ACTN2: variants seen among roughly 807,000 people sequenced by gnomAD.
ACTN2 encodes actinin alpha 2, also known as alpha-actinin-2.
Under a neutral mutation model 113.8 loss-of-function variants are expected in ACTN2, and 39 were observed. The observed-to-expected ratio is 0.34, with a 90% confidence interval of 0.27 to 0.45. ACTN2 has a LOEUF of 0.45. Ranked by LOEUF, ACTN2 falls within the 20% of genes least tolerant of loss-of-function variation. The probability of loss-of-function intolerance (pLI) is 1.00; values close to 1 mark genes in which losing one functional copy is unlikely to be tolerated. For missense variants in ACTN2, 992 were observed against 1,177.9 expected (o/e 0.84, Z 2.31); for synonymous variants, 429 against 444.1 (o/e 0.97, Z 0.43).
intron 19 of ACTN2, among the ~76,000 whole-genome samples, chr1:236,760,456 C>T (rs1180999015): frequency 1.3e-5 from 2 of 152,104 alleles, no homozygotes; most frequent in Non-Finnish European, 2.9e-5. Context: ...GTGCTTTTTC[C>T]TCTAATATGC....
rs372348405 is a variant in ACTN2 at position 236,761,124 on chromosome 1, A to T, written c.2477A>T (p.Asp826Val). ...DFMTRETADTDTAEQVIASFR... is the reference protein window; with the variant it reads ...DFMTRETADTVTAEQVIASFR... ...ATGACTAGAGAGACGGCTGACACCGACACTGCCGAGCAGGTCATCGCCTCC... is the reference window on the plus strand; with the variant it reads ...ATGACTAGAGAGACGGCTGACACCGTCACTGCCGAGCAGGTCATCGCCTCC... The change falls in exon 20 of 21, where the codon GAC becomes GTC. Residue 826 changes from aspartate to valine, a missense_variant. Physicochemically the swap from Asp to Val is radical, Grantham distance 152. Coordinates refer to ENST00000366578, the MANE Select transcript of ACTN2 (RefSeq NM_001103.4). 1.2e-6 allele frequency: 2 copies of T among 1,614,080 alleles called. No homozygotes were observed. The highest frequency in any genetic ancestry group is 2.7e-5 in the African/African-American group (2 of 74,928).
chr1:236,744,091 T>C (rs1659154041), intron 11 of ACTN2, among the ~76,000 whole-genome samples: 1 of 152,182 alleles, frequency 6.6e-6, no homozygotes, highest in African/African-American at 2.4e-5. Flanking sequence ...GAAATATTTA[T>C]ATGGGAAAAT....
At chr1:236,723,283 C>A (rs1174579730) in intron 4 of ACTN2, among the ~76,000 whole-genome samples, 4 of 152,204 alleles carry the variant, frequency 2.6e-5, no homozygotes, top group African/African-American at 9.7e-5. Flanking sequence ...TATCAATTCA[C>A]ATTTTAATTA....
At position 236,760,958 on chromosome 1, in the gene ACTN2, G is replaced by A. The variant is rs868646404; in HGVS notation, c.2368-57G>A. 156 of 1,609,634 alleles carry A rather than the reference G, an allele frequency of 9.7e-5. 4 individuals are homozygous for A. In the Middle Eastern group the frequency reaches 2.8e-3, roughly 29 times the overall value. On this transcript the variant is annotated intron_variant, in intron 19 of 20. Transcript: ENST00000366578. ...TGTCACCAGGGAAAGAATGAAAACG[G>A]CTCTGTTGAGAGTTGTGTACCGTTC...
intron 1 of ACTN2, among the ~76,000 whole-genome samples, chr1:236,701,373 A>C (rs1657668804): frequency 6.6e-6 from 1 of 151,970 alleles, no homozygotes; most frequent in Non-Finnish European, 1.5e-5. Context: ...ACTTTGAGAT[A>C]TATGTATATA....
intron 20 of ACTN2, among the ~76,000 whole-genome samples, chr1:236,761,825 T>C (rs1659717314): frequency 6.6e-6 from 1 of 152,188 alleles, no homozygotes; most frequent in East Asian, 1.9e-4. Context: ...GAGGTTAGCA[T>C]GCTAAAACAC....
intron 1 of ACTN2, among the ~76,000 whole-genome samples, chr1:236,715,784 C>T (rs942466843): frequency 5.9e-5 from 9 of 151,900 alleles, no homozygotes; most frequent in African/African-American, 1.5e-4. Flanking sequence ...GGCAAAACCC[C>T]GTCTCTACTA....
At chr1:236,697,342 A>G (rs892591147) in intron 1 of ACTN2, among the ~76,000 whole-genome samples, 2 of 152,172 alleles carry the variant, frequency 1.3e-5, no homozygotes, top group Admixed American at 6.5e-5. Context: ...AATATGGGGA[A>G]TTTGGATTGA....
chr1:236,694,214 TC>T (rs1423494710), intron 1 of ACTN2, among the ~76,000 whole-genome samples: 1 of 151,118 alleles, frequency 6.6e-6, no homozygotes, highest in Non-Finnish European at 1.5e-5. Context: ...TTTTTTTTTT[TC>T]TTTTCTTTTT....
chr1:236,689,300 GATATATATATATATATATATATATATAT>G (rs57239117), intron 1 of ACTN2, among the ~76,000 whole-genome samples: 1 of 122,600 alleles, frequency 8.2e-6, no homozygotes, highest in African/African-American at 2.9e-5. Flanking sequence ...TTACAGATGT[GATATATATATATATATATATATATATAT>G]ATATATATAT....
At chr1:236,704,838 G>C (rs1207112862) in intron 1 of ACTN2, among the ~76,000 whole-genome samples, 1 of 152,156 alleles carries the variant, frequency 6.6e-6, no homozygotes, top group African/African-American at 2.4e-5. Flanking sequence ...AGAACCGTGG[G>C]GAAATGTGAT....
At chr1:236,712,980 T>C (rs951430506) in intron 1 of ACTN2, among the ~76,000 whole-genome samples, 2 of 151,718 alleles carry the variant, frequency 1.3e-5, no homozygotes, top group Admixed American at 1.3e-4. Context: ...CTCAGGTATG[T>C]GATTAGTCTT....
intron 20 of ACTN2, 142 bp from the exon 21 acceptor site, chr1:236,762,319 C>A (rs1312279582): frequency 1.8e-6 from 2 of 1,133,826 alleles, no homozygotes; most frequent in Admixed American, 2.0e-5. Flanking sequence ...TGTTGGTTGT[C>A]TGGTACTACT....
At chr1:236,744,949 T>C (rs1659183281) in intron 12 of ACTN2, among the ~76,000 whole-genome samples, 173 bp downstream of exon 12, 1 of 152,100 alleles carries the variant, frequency 6.6e-6, no homozygotes, top group African/African-American at 2.4e-5. Context: ...GGTTCTTAGA[T>C]TGTGGTAGAA....
In ACTN2 at chr1:236,747,704, C is replaced by A; in HGVS notation, c.1444C>A (p.Arg482=). ...DYHDAVNVND[R]CQKICDQWDR... ...TCACGACGCTGTGAATGTCAATGAT[C>A]GGTGCCAGAAAATTTGTGACCAGTG... Residue 482 remains arginine (R), a synonymous_variant, in exon 13 of 21, where the codon CGG becomes AGG. Transcript: ENST00000366578. 2 of 1,614,156 alleles carry A rather than the reference C, an allele frequency of 1.2e-6. No individual in the cohort carries two copies. Among genetic ancestry groups the A allele is most frequent in the African/African-American group, 1.3e-5 (1 of 75,044 alleles).
intron 15 of ACTN2, 79 bp downstream of exon 15, chr1:236,751,731 G>A: frequency 6.6e-7 from 1 of 1,524,316 alleles, no homozygotes; most frequent in Non-Finnish European, 9.1e-7. Flanking sequence ...ACGCCTCGGG[G>A]ACTTAGGGTG....
chr1:236,741,006 C>T (rs986631061), intron 10 of ACTN2, among the ~76,000 whole-genome samples: 1 of 152,118 alleles, frequency 6.6e-6, no homozygotes, highest in Non-Finnish European at 1.5e-5. Context: ...CATCTTTATA[C>T]CCTCCAGGTG....
At chr1:236,736,676 T>G in intron 8 of ACTN2, 1 of 1,482,998 alleles carries the variant, frequency 6.7e-7, no homozygotes, top group Non-Finnish European at 9.1e-7. Flanking sequence ...ATGGTATATC[T>G]GGATTTTCCT....
intron 8 of ACTN2, 166 bp from the exon 9 acceptor site, chr1:236,736,956 T>C: frequency 1.5e-6 from 1 of 650,624 alleles, no homozygotes; most frequent in Non-Finnish European, 2.8e-6. Flanking sequence ...AAATGATTCA[T>C]AGTACGCATA....
Sources: allele counts gnomAD v4.1 joint callset (sites outside exome capture counted in the v4.1 genomes callset), GRCh38; gene constraint gnomAD v4.1.1; transcripts MANE v1.5; gene names NCBI Gene and HGNC (gene_info 2026-07-23, HGNC 2026-07-21).